The following GABRG2 variants were observed in gnomAD, a reference collection of about 807,000 sequenced individuals.
GABRG2 encodes the protein gamma-aminobutyric acid receptor subunit gamma-2.
GABRG2 carries 16 observed loss-of-function variants against 56.4 expected under a neutral mutation model. The observed-to-expected ratio is 0.28, with a 90% CI of 0.19 to 0.43. The LOEUF is 0.43. GABRG2 is among the 20% of genes least tolerant of loss of function. GABRG2 has a pLI of 1.00. For synonymous variants in GABRG2, 208 were observed against 205.5 expected (o/e 1.01, Z -0.10); for missense variants, 327 against 582.7 (o/e 0.56, Z 4.52).
intron 6 of GABRG2, among the ~76,000 whole-genome samples, chr5:162,117,575 T>C (rs1009640608): frequency 1.3e-4 from 20 of 152,178 alleles, no homozygotes; most frequent in African/African-American, 4.8e-4. Context: ...TTTAACCTTT[T>C]CTTTAATGAA....
At chr5:162,122,353 G>A (rs1763032315) in intron 6 of GABRG2, among the ~76,000 whole-genome samples, 1 of 151,442 alleles carries the variant, frequency 6.6e-6, no homozygotes. Context: ...ATCAAAACAA[G>A]CCAAAAATAA....
At chr5:162,137,567 T>A (rs1243706547) in intron 6 of GABRG2, among the ~76,000 whole-genome samples, 1 of 151,940 alleles carries the variant, frequency 6.6e-6, no homozygotes, top group Non-Finnish European at 1.5e-5. Context: ...AAATTTAGGG[T>A]TTTTTTTCTC....
At chr5:162,090,989 G>T (rs532898953) in intron 1 of GABRG2, among the ~76,000 whole-genome samples, 28 of 152,216 alleles carry the variant, frequency 1.8e-4, no homozygotes, top group Non-Finnish European at 3.5e-4. Context: ...GAAAGAAACA[G>T]CGTAGCTTTA....
chr5:162,084,058 C>G (rs1759865135), intron 1 of GABRG2, among the ~76,000 whole-genome samples: 1 of 151,766 alleles, frequency 6.6e-6, no homozygotes, highest in African/African-American at 2.4e-5. Flanking sequence ...CGTATTTTGT[C>G]TCCCAGATAT....
intron 6 of GABRG2, among the ~76,000 whole-genome samples, chr5:162,120,960 A>G (rs530064460): frequency 7.9e-4 from 121 of 152,266 alleles, no homozygotes; most frequent in African/African-American, 2.7e-3. Flanking sequence ...CATATTGTAT[A>G]TAAAAGACTG....
intron 1 of GABRG2, among the ~76,000 whole-genome samples, chr5:162,087,576 C>T (rs1029593302): frequency 6.6e-6 from 1 of 151,976 alleles, no homozygotes; most frequent in Non-Finnish European, 1.5e-5. Context: ...AATCTTGTGA[C>T]CACATAGATA....
At chr5:162,152,790 A>G (rs1765466284) in intron 9 of GABRG2, 1 of 587,806 alleles carries the variant, frequency 1.7e-6, no homozygotes, top group South Asian at 2.1e-5. Context: ...ACTTACTAGA[A>G]TAAGATTCCA....
chr5:162,074,393 G>T (rs755476979), intron 1 of GABRG2, among the ~76,000 whole-genome samples: 1 of 151,884 alleles, frequency 6.6e-6, no homozygotes, highest in Non-Finnish European at 1.5e-5. Context: ...AGAAAACAAG[G>T]GTTGTTTTAA....
chr5:162,121,081 T>G (rs1392527544), intron 6 of GABRG2, among the ~76,000 whole-genome samples: 1 of 152,140 alleles, frequency 6.6e-6, no homozygotes, highest in Non-Finnish European at 1.5e-5. Flanking sequence ...GCTCTACGCT[T>G]TTTACTGAAA....
At chr5:162,071,199 A>G (rs1271306631) in intron 1 of GABRG2, among the ~76,000 whole-genome samples, 2 of 151,530 alleles carry the variant, frequency 1.3e-5, no homozygotes, top group East Asian at 3.9e-4. Flanking sequence ...ATATATGCAT[A>G]GAGATTTTAA....
chr5:162,101,315 G>T lies in GABRG2; in HGVS notation c.629G>T (p.Ser210Ile). Residue 210 changes from serine to isoleucine, a missense_variant and splice_region_variant, in exon 5 of 10, where the codon AGT (serine) becomes ATT (isoleucine). Ser to Ile is a moderately radical substitution (Grantham distance 142). Transcript: ENST00000639213. ...DEHSCPLEFS[S>I]YGYPREEIVY... The stretch of plus-strand genomic sequence containing the variant: ...CACTCCTGCCCCTTGGAGTTCTCCA[G>T]TTGTAAGTAATATTCCTTCTCCATT... 1 of 1,594,734 alleles carries T rather than the reference G, an allele frequency of 6.3e-7. No homozygotes were observed. Among genetic ancestry groups the T allele is most frequent in the Non-Finnish European group, 8.6e-7 (1 of 1,163,076 alleles).
chr5:162,095,894 G>C (rs1355739211), intron 3 of GABRG2, among the ~76,000 whole-genome samples: 1 of 151,932 alleles, frequency 6.6e-6, no homozygotes, highest in Non-Finnish European at 1.5e-5. Flanking sequence ...TGATAGTTTG[G>C]TTCAAATCAG....
intron 6 of GABRG2, among the ~76,000 whole-genome samples, chr5:162,108,206 C>T (rs1761975308): frequency 6.6e-6 from 1 of 152,156 alleles, no homozygotes; most frequent in Admixed American, 6.5e-5. Context: ...GACATTCATA[C>T]TCTTAATCAC....
intron 1 of GABRG2, among the ~76,000 whole-genome samples, chr5:162,090,791 C>A (rs1006370143): frequency 6.6e-6 from 1 of 152,016 alleles, no homozygotes; most frequent in South Asian, 2.1e-4. Flanking sequence ...GCCAGAAGTT[C>A]AAATATGTTT....
chr5:162,115,843 AATAATG>A (rs974802483), intron 6 of GABRG2, among the ~76,000 whole-genome samples: 2 of 152,098 alleles, frequency 1.3e-5, no homozygotes, highest in African/African-American at 4.8e-5. Context: ...CCTCTAAAAT[AATAATG>A]ATAATGATAA....
intron 1 of GABRG2, among the ~76,000 whole-genome samples, chr5:162,073,028 A>G (rs1269380569): frequency 2.6e-5 from 4 of 151,842 alleles, no homozygotes; most frequent in African/African-American, 9.7e-5. Flanking sequence ...AGACTGGATG[A>G]TCTATAAGTT....
At chr5:162,149,469 T>C in intron 8 of GABRG2, 156 bp downstream of exon 8, 1 of 747,516 alleles carries the variant, frequency 1.3e-6, no homozygotes. Context: ...TCATTTACAG[T>C]CATTAGTTAC....
chr5:162,122,822 T>C (rs1014816326), intron 6 of GABRG2, among the ~76,000 whole-genome samples: 1 of 151,516 alleles, frequency 6.6e-6, no homozygotes, highest in Non-Finnish European at 1.5e-5. Context: ...CATTAAAACC[T>C]AACATAATAG....
intron 2 of GABRG2, 141 bp downstream of exon 2, chr5:162,094,120 T>G: frequency 1.1e-6 from 1 of 891,252 alleles, no homozygotes; most frequent in Admixed American, 2.0e-5. Flanking sequence ...AGTGTTTAAA[T>G]AGCATTCAGG....
Sources: allele counts gnomAD v4.1 joint callset (sites outside exome capture counted in the v4.1 genomes callset), GRCh38; gene constraint gnomAD v4.1.1; transcripts MANE v1.5; gene names NCBI Gene and HGNC (gene_info 2026-07-23, HGNC 2026-07-21).